LPAR3: variants seen among roughly 807,000 people sequenced by gnomAD.
LPAR3 encodes the protein lysophosphatidic acid receptor 3.
Under a neutral mutation model 17.8 loss-of-function variants are expected in LPAR3, and 7 were observed. The observed-to-expected ratio is 0.39, with a 90% CI of 0.22 to 0.74. The LOEUF (loss-of-function observed/expected upper bound fraction) is 0.74, where lower values mean the gene tolerates loss of function less well. Ranked by LOEUF, LPAR3 falls within the 30% of genes least tolerant of loss-of-function variation. LPAR3 has a pLI of 0.40. For missense variants in LPAR3, 391 were observed against 453.4 expected (o/e 0.86, Z 1.25); for synonymous variants, 179 against 179.9 (o/e 0.99, Z 0.04).
In LPAR3 at chr1:84,865,301, G is replaced by T. The variant is rs563327413; in HGVS notation, c.736+84C>A. 6.4e-5 allele frequency: 91 copies of T among 1,426,688 alleles called. No homozygotes were observed. The African/African-American group carries it at 1.2e-3, about 19-fold the overall frequency. The allele number at this position is 1,426,688 out of a possible 1,614,324, so 88.4% of individuals were successfully genotyped here. A position where few individuals can be genotyped will look rare whatever the true frequency, so the allele number is the denominator to read the frequency against. On this transcript the variant is annotated intron_variant, in intron 2 of 2. Coordinates refer to ENST00000370611, the MANE Select transcript of LPAR3 (RefSeq NM_012152.3). ...TTCACTGCTGCATTCTTACTGCCTA[G>T]TAAGTGCCTGGTACACCACAGATGC...
chr1:84,846,202 A>C (rs1659592882), intron 2 of LPAR3, among the ~76,000 whole-genome samples: 1 of 152,232 alleles, frequency 6.6e-6, no homozygotes, highest in African/African-American at 2.4e-5. Flanking sequence ...ATGTTAAAAA[A>C]AGCCATTTTA....
At chr1:84,885,444 G>C (rs983767220) in intron 1 of LPAR3, among the ~76,000 whole-genome samples, 3 of 152,216 alleles carry the variant, frequency 2.0e-5, no homozygotes, top group African/African-American at 7.2e-5. Flanking sequence ...TAAACTGATA[G>C]AACTTTGGGG....
At chr1:84,827,527 T>A (rs946494667) in intron 2 of LPAR3, among the ~76,000 whole-genome samples, 3 of 152,146 alleles carry the variant, frequency 2.0e-5, no homozygotes, top group African/African-American at 7.2e-5. Flanking sequence ...CTGTCTTTTC[T>A]TGACCAACTG....
chr1:84,825,148 C>A (rs1203386030), intron 2 of LPAR3, among the ~76,000 whole-genome samples: 2 of 152,152 alleles, frequency 1.3e-5, no homozygotes, highest in African/African-American at 4.8e-5. Flanking sequence ...TCTCTCATAG[C>A]TTCCTTTAGT....
At chr1:84,884,257 A>G (rs1660418433) in intron 1 of LPAR3, among the ~76,000 whole-genome samples, 1 of 152,224 alleles carries the variant, frequency 6.6e-6, no homozygotes, top group Admixed American at 6.5e-5. Flanking sequence ...CAAATGTGTA[A>G]GGGATAAATA....
At chr1:84,848,611 C>T (rs1227797692) in intron 2 of LPAR3, among the ~76,000 whole-genome samples, 1 of 152,194 alleles carries the variant, frequency 6.6e-6, no homozygotes, top group East Asian at 1.9e-4. Flanking sequence ...CATAAATGAG[C>T]ATTAACCTCT....
At chr1:84,880,983 T>A (rs1374608648) in intron 1 of LPAR3, among the ~76,000 whole-genome samples, 1 of 152,216 alleles carries the variant, frequency 6.6e-6, no homozygotes, top group Non-Finnish European at 1.5e-5. Flanking sequence ...GGTTTCGTCA[T>A]TTTTAGGCCC....
chr1:84,851,922 AAGGCCTGG>A (rs1454942707), intron 2 of LPAR3, among the ~76,000 whole-genome samples: 1 of 152,090 alleles, frequency 6.6e-6, no homozygotes, highest in Non-Finnish European at 1.5e-5. Context: ...GTGGTGGGGG[AAGGCCTGG>A]AGCAAGAAAA....
chr1:84,870,286 T>C (rs987482031), intron 1 of LPAR3, among the ~76,000 whole-genome samples: 1 of 152,228 alleles, frequency 6.6e-6, no homozygotes, highest in African/African-American at 2.4e-5. Context: ...CAGTTGCTTG[T>C]GACCCAGTAT....
intron 1 of LPAR3, among the ~76,000 whole-genome samples, chr1:84,880,875 C>T (rs796877899): frequency 5.3e-5 from 8 of 152,190 alleles, no homozygotes; most frequent in African/African-American, 1.9e-4. Flanking sequence ...AAAGTCAAGG[C>T]TTCTGGGAGG....
rs748520381 is a variant in LPAR3, at chr1:84,865,808, G to A, written c.313C>T (p.Arg105Cys). The change falls in exon 2 of 3, where the codon CGT becomes TGT. Residue 105 changes from arginine to cysteine, a missense_variant. Arg to Cys is a radical substitution (Grantham distance 180). Coordinates refer to ENST00000370611, the MANE Select transcript of LPAR3 (RefSeq NM_012152.3). ...KTLTVNRWFL[R>C]QGLLDSSLTA... ...AAGCTACTGTCCAGAAGCCCCTGAC[G>A]GAGAAACCAGCGGTTGACAGTCAAA... The A allele has an allele frequency of 7.4e-6, 12 of 1,614,054 alleles. No individual in the cohort carries two copies. The Admixed American group carries it at 1.0e-4, about 13-fold the overall frequency.
In LPAR3 at chr1:84,814,130, G is replaced by A. The variant is rs1658882874; in HGVS notation, c.778C>T (p.Leu260Phe). The change falls in exon 3 of 3, where the codon CTC (leucine) becomes TTC (phenylalanine). Residue 260 changes from leucine (L) to phenylalanine (F), a missense_variant. Coordinates refer to ENST00000370611, the MANE Select transcript of LPAR3 (RefSeq NM_012152.3). The part of the protein sequence containing the change: ...VCWTPGLVVL[L>F]LDGLNCRQCG... ...TGCCTGCAGTTCAGGCCGTCGAGGAGCAGAACCACCAGGCCCGGGGTCCAG... is the reference window on the plus strand; with the variant it reads ...TGCCTGCAGTTCAGGCCGTCGAGGAACAGAACCACCAGGCCCGGGGTCCAG... 1.2e-6 allele frequency: 2 copies of A among 1,614,032 alleles called. No homozygotes were observed. Among genetic ancestry groups the A allele is most frequent in the Non-Finnish European group, 8.5e-7 (1 of 1,180,040 alleles).
chr1:84,821,382 A>G (rs1659051213), intron 2 of LPAR3, among the ~76,000 whole-genome samples: 1 of 152,144 alleles, frequency 6.6e-6, no homozygotes, highest in Admixed American at 6.5e-5. Context: ...CTTTAAAAAT[A>G]CTGTTATTGA....
At chr1:84,815,232 G>T (rs975326150) in intron 2 of LPAR3, among the ~76,000 whole-genome samples, 1 of 152,154 alleles carries the variant, frequency 6.6e-6, no homozygotes, top group Non-Finnish European at 1.5e-5. Flanking sequence ...CACAGGCTGT[G>T]CCCTGGGCCA....
chr1:84,821,577 A>G (rs967258427), intron 2 of LPAR3, among the ~76,000 whole-genome samples: 22 of 152,332 alleles, frequency 1.4e-4, no homozygotes, highest in African/African-American at 5.3e-4. Flanking sequence ...TAGTCCTGCC[A>G]AATGAGAAAG....
At position 84,828,253 on chromosome 1, in the gene LPAR3, A is replaced by G. The variant is rs142487434; in HGVS notation, c.737-14082T>C. 2.2e-4 allele frequency among the ~76,000 whole-genome samples: 33 copies of G among 152,138 alleles called. 1 individual carries two copies. The highest frequency in any genetic ancestry group is 4.7e-4 in the Non-Finnish European group (32 of 67,992). ...AAATAGTCAGCTTCTCCAATACTGC[A>G]TTTTGCTTTTTTATGCTTTTTGCTG... On this transcript the variant is annotated intron_variant, in intron 2 of 2. Coordinates refer to ENST00000370611, the MANE Select transcript of LPAR3 (RefSeq NM_012152.3).
chr1:84,873,050 A>G (rs1213981099), intron 1 of LPAR3, among the ~76,000 whole-genome samples: 1 of 152,096 alleles, frequency 6.6e-6, no homozygotes, highest in African/African-American at 2.4e-5. Context: ...ACTCCTCAAA[A>G]CTGGTACTCA....
intron 2 of LPAR3, among the ~76,000 whole-genome samples, chr1:84,859,101 T>C (rs372514479): frequency 1.3e-5 from 2 of 152,178 alleles, no homozygotes; most frequent in East Asian, 3.9e-4. Context: ...AATAATACCT[T>C]AACTACTTGC....
chr1:84,854,959 T>TG (rs1314053651), intron 2 of LPAR3, among the ~76,000 whole-genome samples: 1 of 152,178 alleles, frequency 6.6e-6, no homozygotes, highest in Non-Finnish European at 1.5e-5. Context: ...TTTGAGGTAA[T>TG]GGGATCTTTC....
Sources: allele counts gnomAD v4.1 joint callset (sites outside exome capture counted in the v4.1 genomes callset), GRCh38; gene constraint gnomAD v4.1.1; transcripts MANE v1.5; gene names NCBI Gene and HGNC (gene_info 2026-07-23, HGNC 2026-07-21).